The following GREB1 variants were observed in gnomAD, a reference collection of about 807,000 sequenced individuals.
GREB1 encodes the protein protein GREB1.
A neutral mutation model predicts 200.7 loss-of-function variants in GREB1; 106 were observed. The ratio of observed to expected loss-of-function variants is 0.53; its 90% CI spans 0.45 to 0.62. The LOEUF (loss-of-function observed/expected upper bound fraction) is 0.62. GREB1 is among the 20% of genes least tolerant of loss of function. The probability of loss-of-function intolerance (pLI) is 0.00; values close to 1 mark genes in which losing one functional copy is unlikely to be tolerated. For synonymous variants in GREB1, 1,132 were observed against 1,092.4 expected (o/e 1.04, Z -0.72); for missense variants, 2,243 against 2,556.8 (o/e 0.88, Z 2.65).
At chr2:11,551,680 G>GT (rs890457919) in intron 1 of GREB1, among the ~76,000 whole-genome samples, 6 of 152,196 alleles carry the variant, frequency 3.9e-5, no homozygotes, top group East Asian at 1.9e-4. Context: ...GCTGTTCTTA[G>GT]TTTTTTTTCC....
chr2:11,639,201 T>C (rs1029092394), intron 32 of GREB1, among the ~76,000 whole-genome samples: 1 of 152,354 alleles, frequency 6.6e-6, no homozygotes, highest in African/African-American at 2.4e-5. Flanking sequence ...GTGATTCTCG[T>C]GCCTCAGCCT....
intron 1 of GREB1, among the ~76,000 whole-genome samples, chr2:11,483,979 GA>G: frequency 6.6e-6 from 1 of 152,246 alleles, no homozygotes; most frequent in East Asian, 1.9e-4. Flanking sequence ...AATTTAGCTT[GA>G]ATAAACACTC....
intron 17 of GREB1, among the ~76,000 whole-genome samples, chr2:11,604,862 C>T (rs375397109): frequency 2.0e-5 from 3 of 152,106 alleles, no homozygotes; most frequent in Non-Finnish European, 2.9e-5. Flanking sequence ...GTGTGTGGTC[C>T]GACTGTTAGT....
intron 10 of GREB1, chr2:11,591,943 A>G (rs1680769264): frequency 1.1e-6 from 1 of 927,532 alleles, no homozygotes; most frequent in African/African-American, 1.8e-5. Flanking sequence ...ACTGACAATC[A>G]TTGCAGCTAT....
Position 11,620,939 on chromosome 2 carries a change from G to GACAGAATCCTGTTGTCTGGTCAT in GREB1, c.4079_4080insACAGAATCCTGTTGTCTGGTCAT (p.Ser1360ArgfsTer73). ...ACAGGTGCCTACCTGCAGTTCCTCA[G>GACAGAATCCTGTTGTCTGGTCAT]TGTCCTGTCCAGGATGCTTGTTCGG... On this transcript the variant is annotated frameshift_variant, in exon 23 of 33. Transcript: ENST00000381486. LOFTEE classifies it high-confidence loss of function. 1 of 1,613,016 alleles carries GACAGAATCCTGTTGTCTGGTCAT rather than the reference G, an allele frequency of 6.2e-7. No individual in the cohort carries two copies. The highest frequency in any genetic ancestry group is 8.5e-7 in the Non-Finnish European group (1 of 1,178,946).
intron 1 of GREB1, among the ~76,000 whole-genome samples, chr2:11,523,581 G>A (rs1673775640): frequency 6.6e-6 from 1 of 152,158 alleles, no homozygotes; most frequent in Non-Finnish European, 1.5e-5. Context: ...ACAGAGATCT[G>A]CAGAGCTCTT....
At chr2:11,630,226 T>C (rs1216339740) in intron 26 of GREB1, 117 bp downstream of exon 26, 6 of 974,662 alleles carry the variant, frequency 6.2e-6, no homozygotes, top group Non-Finnish European at 9.1e-6. Context: ...GGGACTGAAC[T>C]TGGAGGAGGC....
Position 11,560,881 on chromosome 2 carries a change from TA to T in GREB1, c.158-1579del, listed in dbSNP as rs1405111610. Reference sequence around the variant, plus strand: ...CTAACTTACAAGAAGTTGGCAGGACTAAATTTCAACAGCCTGAGATCCTGCC... The same window carrying T: ...CTAACTTACAAGAAGTTGGCAGGACTAATTTCAACAGCCTGAGATCCTGCC... On this transcript the variant is annotated intron_variant, in intron 2 of 32. Transcript: ENST00000381486. 3.9e-5 allele frequency among the ~76,000 whole-genome samples: 6 copies of T among 152,324 alleles called. No homozygotes were observed. In the East Asian group the frequency reaches 1.2e-3, roughly 29 times the overall value.
At chr2:11,564,885 C>T (rs985633036) in intron 3 of GREB1, among the ~76,000 whole-genome samples, 1 of 152,208 alleles carries the variant, frequency 6.6e-6, no homozygotes, top group African/African-American at 2.4e-5. Context: ...AGGTGAAAGG[C>T]ACATCACATG....
At position 11,641,435 on chromosome 2, in the gene GREB1, T is replaced by C. The variant is rs1685797987; in HGVS notation, c.*981T>C. On this transcript the variant is annotated 3_prime_UTR_variant, in exon 33 of 33. Transcript: ENST00000381486. The stretch of plus-strand genomic sequence containing the variant: ...AGAAGGAGGCAGGGAGATGTATTTC[T>C]TAGGGCTCACCCCTTCACAGACTGA... The C allele has an allele frequency of 6.6e-6, 1 of 151,786 alleles. No homozygotes were observed. The highest frequency in any genetic ancestry group is 1.5e-5 in the Non-Finnish European group (1 of 68,102). The allele number at this position is 151,786 out of a possible 1,614,324, so 9.4% of individuals were successfully genotyped here. A position where few individuals can be genotyped will look rare whatever the true frequency, so the allele number is the denominator to read the frequency against.
chr2:11,508,893 G>A (rs1439860925), intron 1 of GREB1, among the ~76,000 whole-genome samples: 4 of 53,242 alleles, frequency 7.5e-5, no homozygotes, highest in African/African-American at 3.2e-4. Flanking sequence ...TTTTTTTTTC[G>A]GGACAGAGTC....
chr2:11,592,571 G>A (rs1033495092), intron 10 of GREB1, among the ~76,000 whole-genome samples: 1 of 151,624 alleles, frequency 6.6e-6, no homozygotes. Context: ...TGGAAAAAAA[G>A]ACTGAGAAAT....
chr2:11,582,571 C>A (rs1160466905), intron 7 of GREB1, among the ~76,000 whole-genome samples: 2 of 152,174 alleles, frequency 1.3e-5, no homozygotes, highest in Non-Finnish European at 2.9e-5. Context: ...GCTCACGGGG[C>A]TCCCAGCCGT....
At chr2:11,507,972 TATTGAGGA>T (rs1673230872) in intron 1 of GREB1, among the ~76,000 whole-genome samples, 2 of 152,216 alleles carry the variant, frequency 1.3e-5, no homozygotes, top group South Asian at 4.1e-4. Context: ...TACAGTAATA[TATTGAGGA>T]AATTATCCCA....
intron 1 of GREB1, among the ~76,000 whole-genome samples, chr2:11,503,459 A>G (rs1226994040): frequency 6.6e-6 from 1 of 151,972 alleles, no homozygotes; most frequent in Non-Finnish European, 1.5e-5. Flanking sequence ...CTTTTTTATA[A>G]TATTATGACA....
At chr2:11,538,687 TTCCTTCCTCCCTC>T (rs1674440158) in intron 1 of GREB1, among the ~76,000 whole-genome samples, 1 of 68,808 alleles carries the variant, frequency 1.5e-5, no homozygotes, top group African/African-American at 4.3e-5. Context: ...CTTTCTTTCT[TTCCTTCCTCCCTC>T]CCTCCCTCCC....
Position 11,629,745 on chromosome 2 carries a change from G to A in GREB1, c.4450-203G>A, listed in dbSNP as rs972863917. On this transcript the variant is annotated intron_variant, in intron 25 of 32. Coordinates refer to ENST00000381486, the MANE Select transcript of GREB1 (RefSeq NM_014668.4). The surrounding 1 kb of genome is among the most constrained non-coding windows in gnomAD (Gnocchi z 5.2). ...CTGAGGATGGGAGCAGGCTCTCGTC[G>A]TGGGTGTGTGGCCTCGGGCGTGCTT... Among the ~76,000 whole-genome samples the A allele has an allele frequency of 5.3e-5, 8 of 152,146 alleles. No individual in the cohort carries two copies. Among genetic ancestry groups the A allele is most frequent in the East Asian group, 1.9e-4 (1 of 5,180 alleles).
At position 11,640,146 on chromosome 2, in the gene GREB1, A is replaced by C. The variant is rs1572244633; in HGVS notation, c.5687-145A>C. The C allele has an allele frequency of 5.8e-6, 4 of 691,240 alleles. No homozygotes were observed. Among genetic ancestry groups the C allele is most frequent in the African/African-American group, 3.6e-5 (2 of 55,676 alleles). The allele number at this position is 691,240 out of a possible 1,614,324, so 42.8% of individuals were successfully genotyped here. A position where few individuals can be genotyped will look rare whatever the true frequency, so the allele number is the denominator to read the frequency against. ...CTCGCTAAGATTGTACATCATCCCG[A>C]AAGAAGCAAGGGGCCGACTTGGATG... On this transcript the variant is annotated intron_variant, in intron 32 of 32. Transcript: ENST00000381486. The surrounding 1 kb of genome is among the most constrained non-coding windows in gnomAD (Gnocchi z 4.6).
At chr2:11,613,226 T>C (rs955408483) in intron 19 of GREB1, among the ~76,000 whole-genome samples, 1 of 152,124 alleles carries the variant, frequency 6.6e-6, no homozygotes, top group Non-Finnish European at 1.5e-5. Flanking sequence ...CACACAGACA[T>C]GCGGACACTC....
Sources: gnomAD v4.1 joint callset for allele counts (sites outside exome capture counted in the v4.1 genomes callset) on GRCh38, gnomAD v4.1.1 for gene constraint, Gnocchi (gnomAD v3.1) non-coding constraint, MANE v1.5 for transcripts, NCBI Gene and HGNC (gene_info 2026-07-23, HGNC 2026-07-21) for gene names.